Variants in RADIL observed in about 807,000 individuals in gnomAD.
RADIL encodes ras-associating and dilute domain-containing protein.
RADIL carries 99 observed loss-of-function variants against 97.6 expected under a neutral mutation model. That is an observed-to-expected ratio of 1.01 (90% CI 0.86 to 1.20). RADIL has a LOEUF of 1.20. Ranked by LOEUF, RADIL falls within the 50% of genes most tolerant of loss-of-function variation. The pLI is 0.00. For synonymous variants in RADIL, 803 were observed against 691.8 expected, an observed-to-expected ratio of 1.16 and a Z score of -2.52; for missense variants, 1,765 against 1,498.9, an observed-to-expected ratio of 1.18 and a Z score of -2.93.
intron 3 of RADIL, 145 bp downstream of exon 3, chr7:4,836,212 TC>T: frequency 1.5e-6 from 2 of 1,299,732 alleles, no homozygotes; most frequent in Non-Finnish European, 2.1e-6. Context: ...GCCATCCCAC[TC>T]CACAGCCTCG....
In RADIL at chr7:4,819,054, TTC is replaced by T. The variant is rs754714822; in HGVS notation, c.1616-1705_1616-1704del. ...CCTGCACCCGGCCCTGAGACTCCAT[TTC>T]TCTCTCTCTCTCTCTCTTTTTTTTT... On this transcript the variant is annotated intron_variant, in intron 6 of 14. Coordinates refer to ENST00000399583, the MANE Select transcript of RADIL (RefSeq NM_018059.5). This position sits in a 1 kb window ranked among gnomAD's most constrained non-coding sequence, Gnocchi z 5.8. 8.3e-5 allele frequency among the ~76,000 whole-genome samples: 12 copies of T among 145,184 alleles called. 1 individual carries two copies. The highest frequency in any genetic ancestry group is 1.3e-4 in the African/African-American group (5 of 37,166).
Position 4,815,474 on chromosome 7 carries a change from G to T in RADIL, c.1967-24C>A. ...GCCTGTGGAGGGAAGAAGGGAGGGT[G>T]ATGCCTGGGCTGCCCTCCTGGGGGG... On this transcript the variant is annotated intron_variant, in intron 8 of 14. Transcript: ENST00000399583. This position sits in a 1 kb window ranked among gnomAD's most constrained non-coding sequence, Gnocchi z 8.0. 1 of 1,482,132 alleles carries T rather than the reference G, an allele frequency of 6.7e-7. No homozygotes were observed. Among genetic ancestry groups the T allele is most frequent in the Non-Finnish European group, 9.0e-7 (1 of 1,112,876 alleles). The allele number at this position is 1,482,132 out of a possible 1,614,324, so 91.8% of individuals were successfully genotyped here.
chr7:4,865,109 C>T (rs1371575066), intron 2 of RADIL, among the ~76,000 whole-genome samples: 1 of 152,170 alleles, frequency 6.6e-6, no homozygotes, highest in African/African-American at 2.4e-5. Flanking sequence ...CTCTTCCTGC[C>T]CCACCGACTG....
intron 5 of RADIL, among the ~76,000 whole-genome samples, chr7:4,823,530 G>A (rs1292706165): frequency 1.3e-5 from 2 of 152,088 alleles, no homozygotes; most frequent in Non-Finnish European, 1.5e-5. Context: ...AGTAGCTCAG[G>A]CCCCTGCCTG....
chr7:4,800,401 C>T (rs1782042698), intron 12 of RADIL, 91 bp from the exon 13 acceptor site: 4 of 1,313,328 alleles, frequency 3.0e-6, no homozygotes, highest in African/African-American at 1.6e-5. Context: ...CTCTGTAGGG[C>T]GTCAGGGATG....
At chr7:4,856,511 A>G (rs1390877746) in intron 2 of RADIL, among the ~76,000 whole-genome samples, 1 of 152,168 alleles carries the variant, frequency 6.6e-6, no homozygotes, top group Non-Finnish European at 1.5e-5. Flanking sequence ...CTCCCAGCTT[A>G]GGGCCTGTTT....
At chr7:4,807,789 G>A (rs117948102) in intron 9 of RADIL, among the ~76,000 whole-genome samples, 475 of 37,864 alleles carry the variant, frequency 0.013, 2 homozygotes, top group Middle Eastern at 0.062. Flanking sequence ...TTCCTCCTCC[G>A]TCTCCTCTCC....
At chr7:4,832,436 G>A (rs986064070) in intron 4 of RADIL, among the ~76,000 whole-genome samples, 1 of 151,986 alleles carries the variant, frequency 6.6e-6, no homozygotes, top group African/African-American at 2.4e-5. Flanking sequence ...CATAACAACC[G>A]GCTATTTAAA....
intron 5 of RADIL, among the ~76,000 whole-genome samples, chr7:4,827,376 A>AC (rs1235885478): frequency 6.8e-6 from 1 of 147,708 alleles, no homozygotes; most frequent in African/African-American, 2.6e-5. Flanking sequence ...AAAAAAAAAA[A>AC]GGGCCGGGTG....
rs973604591 is a variant in RADIL, at chr7:4,883,225, C to G, written c.-65+371G>C. On this transcript the variant is annotated intron_variant, in intron 1 of 14. Coordinates refer to ENST00000399583, the MANE Select transcript of RADIL (RefSeq NM_018059.5). This position sits in a 1 kb window ranked among gnomAD's most constrained non-coding sequence, Gnocchi z 7.1. ...GCGCGCCCCGGACGAAGCTCCCCCT[C>G]CAGGGCACAGCCGGGAAAACTGAGG... Among the ~76,000 whole-genome samples, 29 of 148,844 alleles carry G rather than the reference C, an allele frequency of 1.9e-4. No homozygotes were observed. Among genetic ancestry groups the G allele is most frequent in the Non-Finnish European group, 1.9e-4 (13 of 67,930 alleles).
intron 2 of RADIL, among the ~76,000 whole-genome samples, chr7:4,866,815 G>A (rs1784141441): frequency 6.6e-6 from 1 of 152,224 alleles, no homozygotes; most frequent in East Asian, 1.9e-4. Context: ...AGTGCTGGAG[G>A]CAGGCCTAGT....
At position 4,824,052 on chromosome 7, in the gene RADIL, G is replaced by A. The variant is rs1017525481; in HGVS notation, c.1455-1498C>T. On this transcript the variant is annotated intron_variant, in intron 5 of 14. Coordinates refer to ENST00000399583, the MANE Select transcript of RADIL (RefSeq NM_018059.5). The surrounding 1 kb of genome is among the most constrained non-coding windows in gnomAD (Gnocchi z 6.7). ...GCCCCTGAGCAGTGAGCAGAAGGCC[G>A]TGTGTGCCCCTGAGCAGTGAGCAGA... Among the ~76,000 whole-genome samples, 10 of 152,140 alleles carry A rather than the reference G, an allele frequency of 6.6e-5. No homozygotes were observed. The highest frequency in any genetic ancestry group is 5.2e-4 in the Admixed American group (8 of 15,264).
At chr7:4,820,306 G>T (rs73671960) in intron 6 of RADIL, among the ~76,000 whole-genome samples, 3 of 152,196 alleles carry the variant, frequency 2.0e-5, no homozygotes, top group African/African-American at 7.2e-5. Context: ...CTGTAGTCCC[G>T]GGAGCCCAGG....
intron 5 of RADIL, among the ~76,000 whole-genome samples, chr7:4,826,531 G>A (rs1416765421): frequency 4.6e-5 from 7 of 151,558 alleles, no homozygotes; most frequent in African/African-American, 1.2e-4. Flanking sequence ...TCAGGAGTTC[G>A]AGACCAGCCT....
intron 2 of RADIL, among the ~76,000 whole-genome samples, chr7:4,844,882 G>A (rs1783531425): frequency 6.6e-6 from 1 of 152,134 alleles, no homozygotes; most frequent in Admixed American, 6.6e-5. Context: ...GGGATTACAG[G>A]TATGAGCCAC....
rs1397441862 is a variant in RADIL, at chr7:4,872,108, G to T, written c.535+5497C>A. ...TCGCCACTGTGGATCAGGCCTGAGGGCCTGGGGCAGGTACTCAGCCATATG... is the reference window on the plus strand; with the variant it reads ...TCGCCACTGTGGATCAGGCCTGAGGTCCTGGGGCAGGTACTCAGCCATATG... On this transcript the variant is annotated intron_variant, in intron 2 of 14. Coordinates refer to ENST00000399583, the MANE Select transcript of RADIL (RefSeq NM_018059.5). The surrounding 1 kb of genome is among the most constrained non-coding windows in gnomAD (Gnocchi z 5.8). 6.6e-6 allele frequency among the ~76,000 whole-genome samples: 1 copy of T among 152,126 alleles called. No homozygotes were observed. The highest frequency in any genetic ancestry group is 1.5e-5 in the Non-Finnish European group (1 of 68,022).
intron 5 of RADIL, among the ~76,000 whole-genome samples, chr7:4,823,756 G>A (rs545950171): frequency 1.3e-5 from 2 of 152,356 alleles, no homozygotes; most frequent in South Asian, 2.1e-4. Context: ...TCTGTCTGGT[G>A]TGACTTGACA....
At position 4,879,595 on chromosome 7, in the gene RADIL, A is replaced by C. The variant is rs1046615039; in HGVS notation, c.-64-1392T>G. Among the ~76,000 whole-genome samples, 5 of 152,188 alleles carry C rather than the reference A, an allele frequency of 3.3e-5. No homozygotes were observed. The highest frequency in any genetic ancestry group is 2.6e-4 in the Admixed American group (4 of 15,278). ...GCCTGCCACTGCGACCGGGGTCAGT[A>C]CTAAACACCGCAGCAGCCAACTGTC... On this transcript the variant is annotated intron_variant, in intron 1 of 14. Coordinates refer to ENST00000399583, the MANE Select transcript of RADIL (RefSeq NM_018059.5). This position sits in a 1 kb window ranked among gnomAD's most constrained non-coding sequence, Gnocchi z 4.1.
intron 9 of RADIL, among the ~76,000 whole-genome samples, chr7:4,810,431 A>G (rs1457424313): frequency 7.2e-5 from 11 of 152,188 alleles, no homozygotes; most frequent in Admixed American, 1.3e-4. Flanking sequence ...GGCCTCCCAA[A>G]GTGCCCAGCC....
Sources: gnomAD v4.1 joint callset for allele counts (sites outside exome capture counted in the v4.1 genomes callset) on GRCh38, gnomAD v4.1.1 for gene constraint, Gnocchi (gnomAD v3.1) non-coding constraint, MANE v1.5 for transcripts, NCBI Gene and HGNC (gene_info 2026-07-23, HGNC 2026-07-21) for gene names.